KAT6A: variants seen among roughly 807,000 people sequenced by gnomAD.
KAT6A encodes the protein histone acetyltransferase KAT6A.
Under a neutral mutation model 198.4 loss-of-function variants are expected in KAT6A, and 9 were observed. The ratio of observed to expected loss-of-function variants is 0.05; its 90% CI spans 0.03 to 0.08. The LOEUF (loss-of-function observed/expected upper bound fraction) is 0.08. KAT6A is among the 10% of genes least tolerant of loss of function. KAT6A has a pLI of 1.00. For synonymous variants in KAT6A, 890 were observed against 883.0 expected (o/e 1.01, Z -0.14); for missense variants, 2,077 against 2,509.9 (o/e 0.83, Z 3.69).
chr8:41,957,677 CAG>C (rs763424332), intron 8 of KAT6A: 19 of 176,110 alleles, frequency 1.1e-4, no homozygotes, highest in Admixed American at 2.2e-4. Flanking sequence ...AGATAACTAA[CAG>C]GGGGTAGCAA....
At chr8:42,037,793 C>T (rs763838560) in intron 2 of KAT6A, among the ~76,000 whole-genome samples, 33 of 149,074 alleles carry the variant, frequency 2.2e-4, no homozygotes, top group Non-Finnish European at 3.7e-4. Flanking sequence ...ATTTTACAAA[C>T]ATCTGTCCTC....
At chr8:42,025,778 T>C (rs533700878) in intron 2 of KAT6A, among the ~76,000 whole-genome samples, 119 of 152,318 alleles carry the variant, frequency 7.8e-4, no homozygotes, top group African/African-American at 2.7e-3. Flanking sequence ...CATTTGTCTA[T>C]TGTTTGTTTT....
chr8:41,990,289 G>A (rs895947174), intron 2 of KAT6A, among the ~76,000 whole-genome samples: 1 of 152,180 alleles, frequency 6.6e-6, no homozygotes, highest in Non-Finnish European at 1.5e-5. Flanking sequence ...AAGGCGCTGA[G>A]CAAAGAAATG....
chr8:41,975,164 T>C (rs538186315), intron 7 of KAT6A, among the ~76,000 whole-genome samples: 1 of 152,314 alleles, frequency 6.6e-6, no homozygotes, highest in South Asian at 2.1e-4. Context: ...ACTTTTAGTA[T>C]AGGTTTAATG....
intron 5 of KAT6A, among the ~76,000 whole-genome samples, chr8:41,980,053 T>C (rs1177369061): frequency 1.3e-5 from 2 of 152,180 alleles, no homozygotes; most frequent in Non-Finnish European, 2.9e-5. Context: ...GGTTAAGTCA[T>C]TTTCTATCAA....
Position 41,934,204 on chromosome 8 carries a change from T to C in KAT6A, c.4016A>G (p.Glu1339Gly), listed in dbSNP as rs780899021. Residue 1339 changes from glutamate (E) to glycine (G), a missense_variant, in exon 17 of 17, where the codon GAA becomes GGA. By Grantham distance (98) the Glu-to-Gly change is moderately conservative. Coordinates refer to ENST00000265713, the MANE Select transcript of KAT6A (RefSeq NM_006766.5). ...AACACCAGGCTCCTCCTTGACATCT[T>C]CCCTCGTGGGCTGTTCCTCTAGCTC... ...KKELEEQPTR[E>G]DVKEEPGVQE... 1.2e-6 allele frequency: 2 copies of C among 1,614,044 alleles called. No homozygotes were observed. The highest frequency in any genetic ancestry group is 2.7e-5 in the African/African-American group (2 of 74,914).
At chr8:42,011,535 C>T (rs1246034948) in intron 2 of KAT6A, among the ~76,000 whole-genome samples, 4 of 152,016 alleles carry the variant, frequency 2.6e-5, no homozygotes, top group South Asian at 2.1e-4. Flanking sequence ...GTCAGGAGTT[C>T]GAGACTAGCC....
At chr8:41,957,302 G>A (rs890575775) in intron 8 of KAT6A, 4 of 562,908 alleles carry the variant, frequency 7.1e-6, no homozygotes, top group Non-Finnish European at 1.4e-5. Flanking sequence ...CAGCTCCCCT[G>A]AGCAAGCCTC....
At chr8:42,020,166 TG>T (rs1224403104) in intron 2 of KAT6A, among the ~76,000 whole-genome samples, 1 of 152,226 alleles carries the variant, frequency 6.6e-6, no homozygotes, top group African/African-American at 2.4e-5. Flanking sequence ...GTCTACCACC[TG>T]GTTTTGTAAA....
chr8:42,041,535 G>A (rs972671470), intron 2 of KAT6A, among the ~76,000 whole-genome samples: 6 of 152,120 alleles, frequency 3.9e-5, no homozygotes, highest in South Asian at 4.1e-4. Context: ...TCAGGAGTTC[G>A]AGAACACAAC....
In KAT6A at chr8:41,941,345, A is replaced by G. The variant is rs771518971; in HGVS notation, c.2536T>C (p.Leu846=). 6 of 1,612,994 alleles carry G rather than the reference A, an allele frequency of 3.7e-6. No homozygotes were observed. The highest frequency in any genetic ancestry group is 5.1e-6 in the Non-Finnish European group (6 of 1,180,006). Residue 846 remains leucine (L), a synonymous_variant, in exon 15 of 17, where the codon TTG becomes CTG. Transcript: ENST00000265713. ...EVMAPVSSTR[L]SKQVLPHDSL... Reference sequence around the variant, plus strand: ...TCATGAGGAAGGACTTGTTTGCTCAAACGTGTAGAACTGACTGGAGCCATA... The same window carrying G: ...TCATGAGGAAGGACTTGTTTGCTCAGACGTGTAGAACTGACTGGAGCCATA...
chr8:42,014,824 A>G (rs1253969066), intron 2 of KAT6A, among the ~76,000 whole-genome samples: 1 of 152,238 alleles, frequency 6.6e-6, no homozygotes, highest in Non-Finnish European at 1.5e-5. Flanking sequence ...ATGTGATCCA[A>G]TGAAATACTT....
rs116884365 is a variant in KAT6A at position 41,940,261 on chromosome 8, T to C, written c.3039+581A>G. 8.4e-3 allele frequency among the ~76,000 whole-genome samples: 1,280 copies of C among 152,306 alleles called. 31 individuals carry two copies. Among genetic ancestry groups the C allele is most frequent in the South Asian group, 0.082 (395 of 4,828 alleles). On this transcript the variant is annotated intron_variant, in intron 15 of 16. Coordinates refer to ENST00000265713, the MANE Select transcript of KAT6A (RefSeq NM_006766.5). ...TTATTTAATAACTAATTGGCTATCA[T>C]TATGATGGAATATAGTTTAGAAAAT...
chr8:41,937,698 T>G (rs1188340421), intron 15 of KAT6A, 130 bp from the exon 16 acceptor site: 3 of 659,642 alleles, frequency 4.5e-6, no homozygotes, highest in East Asian at 5.6e-5. Context: ...AAAAAATATT[T>G]TGAATATTAT....
intron 2 of KAT6A, among the ~76,000 whole-genome samples, chr8:41,989,561 G>GTGACA (rs1554690602): frequency 6.6e-6 from 1 of 151,884 alleles, no homozygotes; most frequent in African/African-American, 2.4e-5. Context: ...GTGACGTGAC[G>GTGACA]TAACATAACA....
In KAT6A at chr8:41,930,710, GTATATA is replaced by G. The variant is rs1554678657; in HGVS notation, c.*1489_*1494del. On this transcript the variant is annotated 3_prime_UTR_variant, in exon 17 of 17. Coordinates refer to ENST00000265713, the MANE Select transcript of KAT6A (RefSeq NM_006766.5). The stretch of plus-strand genomic sequence containing the variant: ...TGTGTGTGTGTGTGTGTGTGTGTGT[GTATATA>G]TATATATATATATTTTTTTTTTTTT... The G allele has an allele frequency of 1.6e-5, 1 of 63,086 alleles. No individual in the cohort carries two copies. Among genetic ancestry groups the G allele is most frequent in the Non-Finnish European group, 2.6e-5 (1 of 38,678 alleles). The allele number at this position is 63,086 out of a possible 1,614,324, so 3.9% of individuals were successfully genotyped here. A position where few individuals can be genotyped will look rare whatever the true frequency, so the allele number is the denominator to read the frequency against.
At chr8:42,030,047 G>A (rs2150921184) in intron 2 of KAT6A, among the ~76,000 whole-genome samples, 1 of 152,274 alleles carries the variant, frequency 6.6e-6, no homozygotes, top group African/African-American at 2.4e-5. Flanking sequence ...ACAGGAACAT[G>A]TCATCAGAGC....
intron 2 of KAT6A, among the ~76,000 whole-genome samples, chr8:42,011,671 C>T (rs573654967): frequency 6.6e-6 from 1 of 151,520 alleles, no homozygotes; most frequent in Non-Finnish European, 1.5e-5. Flanking sequence ...ACCCAGGAAG[C>T]AGAGGTTGTG....
At chr8:41,952,844 C>A (rs1183690967) in intron 9 of KAT6A, among the ~76,000 whole-genome samples, 1 of 151,772 alleles carries the variant, frequency 6.6e-6, no homozygotes, top group African/African-American at 2.4e-5. Flanking sequence ...AAAATGTAAC[C>A]AAGAGAACTA....
Sources: allele counts gnomAD v4.1 joint callset (sites outside exome capture counted in the v4.1 genomes callset), GRCh38; gene constraint gnomAD v4.1.1; transcripts MANE v1.5; gene names NCBI Gene and HGNC (gene_info 2026-07-23, HGNC 2026-07-21).